The following RNF144B variants were observed in gnomAD, a reference collection of about 807,000 sequenced individuals.
RNF144B encodes the protein E3 ubiquitin-protein ligase RNF144B.
RNF144B carries 25 observed loss-of-function variants against 40.2 expected under a neutral mutation model. The observed-to-expected ratio is 0.62, with a 90% confidence interval of 0.45 to 0.87. The LOEUF (loss-of-function observed/expected upper bound fraction) is 0.87, where lower values mean the gene tolerates loss of function less well. RNF144B is among the 40% of genes least tolerant of loss of function. RNF144B has a pLI of 0.00. For missense variants in RNF144B, 365 were observed against 373.7 expected (o/e 0.98, Z 0.19); for synonymous variants, 145 against 136.3 (o/e 1.06, Z -0.44).
At chr6:18,440,074 T>G (rs1758924654) in intron 4 of RNF144B, among the ~76,000 whole-genome samples, 1 of 152,204 alleles carries the variant, frequency 6.6e-6, no homozygotes, top group South Asian at 2.1e-4. Flanking sequence ...GTTTTACCAC[T>G]AATTTTCGAT....
At chr6:18,397,391 T>C (rs1383972493) in intron 1 of RNF144B, among the ~76,000 whole-genome samples, 1 of 152,204 alleles carries the variant, frequency 6.6e-6, no homozygotes, top group Non-Finnish European at 1.5e-5. Flanking sequence ...CAATTATTTC[T>C]ATGGCAGAAT....
rs9396866 is a variant in RNF144B at position 18,437,245 on chromosome 6, C to G, written c.271-2439C>G. Among the ~76,000 whole-genome samples, 110 of 152,194 alleles carry G rather than the reference C, an allele frequency of 7.2e-4. 3 individuals are homozygous for G. The East Asian group carries it at 0.021, about 29-fold the overall frequency. On this transcript the variant is annotated intron_variant, in intron 3 of 7. Transcript: ENST00000259939. The stretch of plus-strand genomic sequence containing the variant: ...CTGGAAGCTGGGGGTTTGAGAGCAG[C>G]CTGGGCAACATAGCGAGACCCCATC...
chr6:18,427,187 GT>G (rs1235519826), intron 2 of RNF144B, among the ~76,000 whole-genome samples: 1 of 152,144 alleles, frequency 6.6e-6, no homozygotes, highest in African/African-American at 2.4e-5. Flanking sequence ...GGGTCACAGC[GT>G]TCTGTTCTAG....
chr6:18,402,868 A>G (rs1470158316), intron 2 of RNF144B, among the ~76,000 whole-genome samples: 1 of 152,234 alleles, frequency 6.6e-6, no homozygotes, highest in Non-Finnish European at 1.5e-5. Context: ...CAGTTTTAAT[A>G]TGCAGAATAA....
At position 18,464,090 on chromosome 6, in the gene RNF144B, A is replaced by T. The variant is rs1247919796; in HGVS notation, c.771+710A>T. ...AAACCATATCAGGCAGTGCTCTAAA[A>T]CCCTGTGAGCCCCTTCTAGGGCTTA... On this transcript the variant is annotated intron_variant, in intron 7 of 7. Coordinates refer to ENST00000259939, the MANE Select transcript of RNF144B (RefSeq NM_182757.4). The surrounding 1 kb of genome is among the most constrained non-coding windows in gnomAD (Gnocchi z 6.1). Among the ~76,000 whole-genome samples, 3 of 151,914 alleles carry T rather than the reference A, an allele frequency of 2.0e-5. No homozygotes were observed. Among genetic ancestry groups the T allele is most frequent in the Admixed American group, 1.3e-4 (2 of 15,246 alleles).
intron 3 of RNF144B, among the ~76,000 whole-genome samples, chr6:18,433,490 A>T (rs1348194271): frequency 6.6e-6 from 1 of 152,214 alleles, no homozygotes; most frequent in Non-Finnish European, 1.5e-5. Context: ...CACATAGAAA[A>T]CTAAGCCACA....
At chr6:18,408,768 A>G (rs1160997273) in intron 2 of RNF144B, among the ~76,000 whole-genome samples, 3 of 152,090 alleles carry the variant, frequency 2.0e-5, no homozygotes, top group South Asian at 4.1e-4. Context: ...GCCCACTTCT[A>G]TTCTCCTTAC....
rs968623729 is a variant in RNF144B, at chr6:18,456,572, T to G, written c.332-583T>G. On this transcript the variant is annotated intron_variant, in intron 4 of 7. Transcript: ENST00000259939. The surrounding 1 kb of genome is among the most constrained non-coding windows in gnomAD (Gnocchi z 4.7). ...AAGGTGGGAAATATTCTAAAAGTCT[T>G]GTGAATTTTGTTTACAGAGAACACT... Among the ~76,000 whole-genome samples, 4 of 152,338 alleles carry G rather than the reference T, an allele frequency of 2.6e-5. No individual in the cohort carries two copies. Among genetic ancestry groups the G allele is most frequent in the African/African-American group, 9.6e-5 (4 of 41,582 alleles).
Position 18,407,483 on chromosome 6 carries a change from A to G in RNF144B, c.165+7784A>G, listed in dbSNP as rs187482258. On this transcript the variant is annotated intron_variant, in intron 2 of 7. Transcript: ENST00000259939. ...AGTACACTGCCAGAATACAGCTAGC[A>G]TATATAGCTCTACTCTTTTTAGTGT... 3.9e-4 allele frequency among the ~76,000 whole-genome samples: 60 copies of G among 152,350 alleles called. 1 individual carries two copies. Among genetic ancestry groups the G allele is most frequent in the Admixed American group, 3.5e-3 (53 of 15,310 alleles).
chr6:18,405,945 T>C lies in RNF144B; in HGVS notation c.165+6246T>C. On this transcript the variant is annotated intron_variant, in intron 2 of 7. Coordinates refer to ENST00000259939, the MANE Select transcript of RNF144B (RefSeq NM_182757.4). This position sits in a 1 kb window ranked among gnomAD's most constrained non-coding sequence, Gnocchi z 4.5. ...ATAGTCCTAGAATTGTAAGTGACCT[T>C]AGATCTTCTAGTTCCCCCACCCTCC... 2.1e-6 allele frequency: 1 copy of C among 479,392 alleles called. No individual in the cohort carries two copies. Among genetic ancestry groups the C allele is most frequent in the Non-Finnish European group, 4.2e-6 (1 of 240,630 alleles). The allele number at this position is 479,392 out of a possible 1,614,324, so 29.7% of individuals were successfully genotyped here.
At chr6:18,409,218 A>G (rs1794979540) in intron 2 of RNF144B, among the ~76,000 whole-genome samples, 1 of 151,688 alleles carries the variant, frequency 6.6e-6, no homozygotes, top group Non-Finnish European at 1.5e-5. Context: ...TCTTTACTGA[A>G]AATACAAAAA....
intron 3 of RNF144B, 139 bp downstream of exon 3, chr6:18,427,824 G>T (rs576268): frequency 0.21 from 122,108 of 591,562 alleles, 12,876 homozygotes; most frequent in East Asian, 0.28. Flanking sequence ...CTTTATTGCA[G>T]CTTACCTTTG....
At chr6:18,404,799 C>T (rs1318211863) in intron 2 of RNF144B, among the ~76,000 whole-genome samples, 1 of 152,122 alleles carries the variant, frequency 6.6e-6, no homozygotes, top group Non-Finnish European at 1.5e-5. Context: ...TTCAAAGTAC[C>T]ACATATTTAA....
chr6:18,455,787 T>G (rs983662509), intron 4 of RNF144B, among the ~76,000 whole-genome samples: 1 of 152,306 alleles, frequency 6.6e-6, no homozygotes, highest in Non-Finnish European at 1.5e-5. Context: ...TCTCCAACTC[T>G]ATCTTCTTTC....
In RNF144B at chr6:18,442,595, T is replaced by C. The variant is rs2113518647; in HGVS notation, c.331+2851T>C. Among the ~76,000 whole-genome samples, 1 of 152,348 alleles carries C rather than the reference T, an allele frequency of 6.6e-6. No homozygotes were observed. Among genetic ancestry groups the C allele is most frequent in the East Asian group, 1.9e-4 (1 of 5,188 alleles). On this transcript the variant is annotated intron_variant, in intron 4 of 7. Transcript: ENST00000259939. The surrounding 1 kb of genome is among the most constrained non-coding windows in gnomAD (Gnocchi z 4.3). The stretch of plus-strand genomic sequence containing the variant: ...TTGCCATTTAAACCATTTTTAGATG[T>C]GCAATTCAGTGACATTAATTACATT...
intron 2 of RNF144B, among the ~76,000 whole-genome samples, chr6:18,408,720 C>A (rs1794965828): frequency 6.6e-6 from 1 of 152,070 alleles, no homozygotes; most frequent in Non-Finnish European, 1.5e-5. Context: ...CAGATCAGAC[C>A]CTGGCTGCAG....
Position 18,465,655 on chromosome 6 carries a change from A to G in RNF144B, c.*588A>G, listed in dbSNP as rs1002387662. ...CCCGCTGTGATTTGGCAGAAACACAATAGGCTTCTCCTTGTGTGATCTCAG... is the reference window on the plus strand; with the variant it reads ...CCCGCTGTGATTTGGCAGAAACACAGTAGGCTTCTCCTTGTGTGATCTCAG... On this transcript the variant is annotated 3_prime_UTR_variant, in exon 8 of 8. Coordinates refer to ENST00000259939, the MANE Select transcript of RNF144B (RefSeq NM_182757.4). 6.6e-6 allele frequency: 1 copy of G among 152,506 alleles called. No individual in the cohort carries two copies. The allele number at this position is 152,506 out of a possible 1,614,324, so 9.4% of individuals were successfully genotyped here. A position where few individuals can be genotyped will look rare whatever the true frequency, so the allele number is the denominator to read the frequency against.
At chr6:18,427,387 T>C (rs1189511686) in intron 2 of RNF144B, among the ~76,000 whole-genome samples, 194 bp from the exon 3 acceptor site, 2 of 152,186 alleles carry the variant, frequency 1.3e-5, no homozygotes, top group Non-Finnish European at 2.9e-5. Flanking sequence ...AAGTCATACA[T>C]AATTAATTGC....
Position 18,464,253 on chromosome 6 carries a change from A to G in RNF144B, c.772-674A>G, listed in dbSNP as rs1016754262. ...GGGAGTCAGTGCTAATATCCTAGTAATCATTAACATCCCTTTGAGCTAGTT... is the reference window on the plus strand; with the variant it reads ...GGGAGTCAGTGCTAATATCCTAGTAGTCATTAACATCCCTTTGAGCTAGTT... On this transcript the variant is annotated intron_variant, in intron 7 of 7. Coordinates refer to ENST00000259939, the MANE Select transcript of RNF144B (RefSeq NM_182757.4). This position sits in a 1 kb window ranked among gnomAD's most constrained non-coding sequence, Gnocchi z 6.1. Among the ~76,000 whole-genome samples, 4 of 152,192 alleles carry G rather than the reference A, an allele frequency of 2.6e-5. No homozygotes were observed. Among genetic ancestry groups the G allele is most frequent in the Non-Finnish European group, 4.4e-5 (3 of 68,024 alleles).
Sources: allele counts gnomAD v4.1 joint callset (sites outside exome capture counted in the v4.1 genomes callset), GRCh38; gene constraint gnomAD v4.1.1; non-coding constraint Gnocchi (gnomAD v3.1); transcripts MANE v1.5; gene names NCBI Gene and HGNC (gene_info 2026-07-23, HGNC 2026-07-21).